MYO16: variants seen among roughly 807,000 people sequenced by gnomAD.
MYO16 encodes the protein unconventional myosin-XVI.
MYO16 carries 94 observed loss-of-function variants against 205.3 expected under a neutral mutation model. That is an observed-to-expected ratio of 0.46 (90% CI 0.39 to 0.54). MYO16 has a LOEUF of 0.54. MYO16 is among the 20% of genes least tolerant of loss of function. The pLI is 0.00. For missense variants in MYO16, 2,315 were observed against 2,387.5 expected (o/e 0.97, Z 0.63); for synonymous variants, 988 against 954.0 (o/e 1.04, Z -0.66).
At chr13:108,611,012 A>G (rs1222617000) in intron 1 of MYO16, among the ~76,000 whole-genome samples, 2 of 152,206 alleles carry the variant, frequency 1.3e-5, no homozygotes, top group East Asian at 3.8e-4. Context: ...TCATGATTTG[A>G]ATGATGAATT....
At chr13:108,973,039 C>T (rs1211804778) in intron 20 of MYO16, among the ~76,000 whole-genome samples, 2 of 151,838 alleles carry the variant, frequency 1.3e-5, no homozygotes, top group Non-Finnish European at 2.9e-5. Context: ...CATCTGGGAG[C>T]AGGTGGGAGA....
Position 109,125,220 on chromosome 13 carries a change from T to G in MYO16, c.3644T>G (p.Leu1215Arg). The G allele has an allele frequency of 1.2e-6, 2 of 1,614,134 alleles. No homozygotes were observed. Among genetic ancestry groups the G allele is most frequent in the Non-Finnish European group, 1.7e-6 (2 of 1,180,010 alleles). Reference protein sequence around the residue: ...SFLQNTEDMGLKTYDALVIQN... With the variant: ...SFLQNTEDMGRKTYDALVIQN... The stretch of plus-strand genomic sequence containing the variant: ...CTGCAGAACACAGAGGACATGGGGC[T>G]GAAAACCTACGATGCCCTGGTCATT... Residue 1215 changes from leucine (L) to arginine (R), a missense_variant, in exon 30 of 35, where the codon CTG becomes CGG. This residue lies in a region of MYO16 where 1,097 missense variants were observed against 1,092.0 expected (regional missense o/e 1.00). Coordinates refer to ENST00000457511, the MANE Select transcript of MYO16 (RefSeq NM_001198950.3). This position sits in a 1 kb window ranked among gnomAD's most constrained non-coding sequence, Gnocchi z 4.0.
At chr13:108,838,642 T>A (rs1452176995) in intron 9 of MYO16, among the ~76,000 whole-genome samples, 2 of 144,462 alleles carry the variant, frequency 1.4e-5, no homozygotes, top group African/African-American at 5.1e-5. Flanking sequence ...CACTCCAGCC[T>A]GGGTGACAGA....
chr13:108,868,188 TGTATAC>T (rs1463338840), intron 12 of MYO16, among the ~76,000 whole-genome samples: 3 of 152,198 alleles, frequency 2.0e-5, no homozygotes, highest in African/African-American at 4.8e-5. Flanking sequence ...TACATCAAAG[TGTATAC>T]ATACAATCAG....
intron 32 of MYO16, among the ~76,000 whole-genome samples, chr13:109,152,975 G>T: frequency 6.6e-6 from 1 of 152,128 alleles, no homozygotes. Flanking sequence ...TGAAATGTGG[G>T]CTCTCTCTTA....
chr13:109,140,143 G>T lies in MYO16; in HGVS notation c.4052-121G>T. ...GCCTAGTGGGTGGAGGAACATGCAG[G>T]CCCGGTCCCTTGGGATTCTCGGGGC... On this transcript the variant is annotated intron_variant, in intron 31 of 34. Coordinates refer to ENST00000457511, the MANE Select transcript of MYO16 (RefSeq NM_001198950.3). This position sits in a 1 kb window ranked among gnomAD's most constrained non-coding sequence, Gnocchi z 8.0. 2.7e-6 allele frequency: 4 copies of T among 1,476,560 alleles called. No individual in the cohort carries two copies. The South Asian group carries it at 4.0e-5, about 15-fold the overall frequency. 91.5% of individuals were successfully genotyped at this position (1,476,560 alleles called of 1,614,324 possible).
intron 2 of MYO16, among the ~76,000 whole-genome samples, chr13:108,669,847 G>A (rs1594194018): frequency 6.6e-6 from 1 of 152,074 alleles, no homozygotes; most frequent in Non-Finnish European, 1.5e-5. Flanking sequence ...ACCACATGTT[G>A]TCACTCATAA....
the MYO16 span, among the ~76,000 whole-genome samples, chr13:108,536,100 G>A: frequency 5.5e-4 from 84 of 152,080 alleles, 1 homozygote; most frequent in South Asian, 0.017. Flanking sequence ...TGCTAGATGC[G>A]GTAATTTTTA....
At chr13:108,501,347 T>C in the MYO16 span, among the ~76,000 whole-genome samples, 18 of 152,162 alleles carry the variant, frequency 1.2e-4, no homozygotes, top group Admixed American at 6.5e-4. Flanking sequence ...AGGGACCCTC[T>C]ATCTCACCTG....
intron 5 of MYO16, among the ~76,000 whole-genome samples, chr13:108,786,702 T>C (rs1019864): frequency 0.66 from 100,717 of 152,058 alleles, 33,889 homozygotes; most frequent in East Asian, 0.88. Flanking sequence ...AAAATAGTCT[T>C]ATTCTCTGTG....
chr13:108,855,285 T>C (rs1271657717), intron 10 of MYO16, 158 bp from the exon 11 acceptor site: 2 of 406,836 alleles, frequency 4.9e-6, no homozygotes, highest in South Asian at 6.6e-5. Flanking sequence ...AGTTTTTTTT[T>C]TTTTTCTTTT....
At chr13:108,563,190 A>C in the MYO16 span, among the ~76,000 whole-genome samples, 1 of 152,140 alleles carries the variant, frequency 6.6e-6, no homozygotes, top group Admixed American at 6.6e-5. Flanking sequence ...AGTATTTTAA[A>C]AATTGTTTAT....
At position 108,897,047 on chromosome 13, in the gene MYO16, T is replaced by TA. The variant is rs1007120383; in HGVS notation, c.1660-961dup. On this transcript the variant is annotated intron_variant, in intron 14 of 34. Transcript: ENST00000457511. ...TTAAAAAAAGTGGGATCAAAGCACTTAAAAAAAAGTAGGATAGTGTTCTCA... is the reference window on the plus strand; with the variant it reads ...TTAAAAAAAGTGGGATCAAAGCACTTAAAAAAAAAGTAGGATAGTGTTCTCA... 2.6e-5 allele frequency among the ~76,000 whole-genome samples: 4 copies of TA among 151,586 alleles called. No homozygotes were observed. The South Asian group carries it at 6.3e-4, about 24-fold the overall frequency.
intron 20 of MYO16, among the ~76,000 whole-genome samples, chr13:108,974,363 G>A (rs888500436): frequency 8.6e-5 from 13 of 151,978 alleles, no homozygotes; most frequent in African/African-American, 2.9e-4. Context: ...GGTCTAATGT[G>A]GGAATTCAGT....
At chr13:108,632,297 T>C (rs894215434) in intron 1 of MYO16, among the ~76,000 whole-genome samples, 1 of 152,116 alleles carries the variant, frequency 6.6e-6, no homozygotes, top group Non-Finnish European at 1.5e-5. Context: ...TATCTGTCTT[T>C]CATTCTGAGC....
chr13:109,162,983 G>A lies in MYO16; in HGVS notation c.5165-1918G>A, dbSNP rs1878457302. ...GACTTTCACTTTTGTTGCCATTCTT[G>A]TACATGCTAACTTGACTGAAGGTCT... On this transcript the variant is annotated intron_variant, in intron 32 of 34. Coordinates refer to ENST00000457511, the MANE Select transcript of MYO16 (RefSeq NM_001198950.3). This position sits in a 1 kb window ranked among gnomAD's most constrained non-coding sequence, Gnocchi z 4.6. 6.6e-6 allele frequency among the ~76,000 whole-genome samples: 1 copy of A among 152,196 alleles called. No individual in the cohort carries two copies. The highest frequency in any genetic ancestry group is 2.4e-5 in the African/African-American group (1 of 41,450).
intron 16 of MYO16, among the ~76,000 whole-genome samples, chr13:108,952,147 AAAT>A (rs1308410330): frequency 3.3e-5 from 5 of 151,422 alleles, no homozygotes; most frequent in Admixed American, 2.6e-4. Context: ...ATAAATAAAT[AAAT>A]AAATAAATAA....
intron 27 of MYO16, among the ~76,000 whole-genome samples, chr13:109,099,966 C>T (rs1043892655): frequency 1.8e-4 from 27 of 152,188 alleles, no homozygotes; most frequent in Non-Finnish European, 2.5e-4. Flanking sequence ...GCGTTTCCTT[C>T]GGCTTGCGGA....
intron 28 of MYO16, among the ~76,000 whole-genome samples, chr13:109,107,652 A>T (rs1315634129): frequency 6.6e-6 from 1 of 151,966 alleles, no homozygotes; most frequent in African/African-American, 2.4e-5. Context: ...TCATAAATCA[A>T]CTATAATTAC....
Sources: gnomAD v4.1 joint callset for allele counts (sites outside exome capture counted in the v4.1 genomes callset) on GRCh38, gnomAD v4.1.1 for gene constraint, gnomAD v4.1.1 regional missense constraint, Gnocchi (gnomAD v3.1) non-coding constraint, MANE v1.5 for transcripts, NCBI Gene and HGNC (gene_info 2026-07-23, HGNC 2026-07-21) for gene names.